RAMP1: variants seen among roughly 807,000 people sequenced by gnomAD.
RAMP1 encodes the protein receptor activity modifying protein 1, also known as receptor activity-modifying protein 1.
A neutral mutation model predicts 8.2 loss-of-function variants in RAMP1; 7 were observed. That is an observed-to-expected ratio of 0.85 (90% CI 0.49 to 1.60). RAMP1 has a LOEUF of 1.60. Ranked by LOEUF, RAMP1 falls within the 40% of genes most tolerant of loss-of-function variation. The pLI is 0.00. For synonymous variants in RAMP1, 92 were observed against 84.7 expected, an observed-to-expected ratio of 1.09 and a Z score of -0.47; for missense variants, 192 against 202.4, an observed-to-expected ratio of 0.95 and a Z score of 0.31.
intron 2 of RAMP1, among the ~76,000 whole-genome samples, chr2:237,894,160 A>G (rs1190968143): frequency 6.6e-6 from 1 of 151,664 alleles, no homozygotes; most frequent in Non-Finnish European, 1.5e-5. Flanking sequence ...TAGTAGAGAC[A>G]GGATTTCGCC....
intron 1 of RAMP1, among the ~76,000 whole-genome samples, chr2:237,863,407 G>A (rs1161435137): frequency 6.6e-6 from 1 of 152,170 alleles, no homozygotes; most frequent in African/African-American, 2.4e-5. Flanking sequence ...GGATGTCCTT[G>A]TCCCCAGTCC....
At chr2:237,875,621 C>T (rs1197842358) in intron 1 of RAMP1, among the ~76,000 whole-genome samples, 1 of 152,198 alleles carries the variant, frequency 6.6e-6, no homozygotes, top group Non-Finnish European at 1.5e-5. Flanking sequence ...ACATCACTCC[C>T]TGGCTTCTTG....
intron 2 of RAMP1, among the ~76,000 whole-genome samples, chr2:237,910,817 A>T (rs2062704762): frequency 6.6e-6 from 1 of 151,796 alleles, no homozygotes; most frequent in Non-Finnish European, 1.5e-5. Context: ...TCACAAAGAG[A>T]ATAATAGTCA....
At chr2:237,885,707 A>G (rs547953171) in intron 2 of RAMP1, among the ~76,000 whole-genome samples, 21 of 152,084 alleles carry the variant, frequency 1.4e-4, no homozygotes, top group Middle Eastern at 3.4e-3. Flanking sequence ...CCGCCACACC[A>G]TCGCTCCTGC....
At chr2:237,901,244 T>C (rs1203803110) in intron 2 of RAMP1, among the ~76,000 whole-genome samples, 2 of 152,262 alleles carry the variant, frequency 1.3e-5, no homozygotes, top group Admixed American at 1.3e-4. Context: ...TCACTTTGCC[T>C]TGGAGGTGGC....
intron 2 of RAMP1, among the ~76,000 whole-genome samples, chr2:237,891,300 G>A (rs761933028): frequency 6.6e-6 from 1 of 152,028 alleles, no homozygotes; most frequent in African/African-American, 2.4e-5. Flanking sequence ...ACAGGCGCCC[G>A]CCACCACGCC....
chr2:237,910,729 CAGT>C (rs2062703880), intron 2 of RAMP1, among the ~76,000 whole-genome samples: 1 of 151,378 alleles, frequency 6.6e-6, no homozygotes, highest in African/African-American at 2.4e-5. Flanking sequence ...CAGAGAATAA[CAGT>C]AACACACAGT....
At position 237,912,053 on chromosome 2, in the gene RAMP1, C is replaced by T. The variant is rs2062721925; in HGVS notation, c.*270C>T. The T allele has an allele frequency of 3.9e-6, 2 of 508,308 alleles. No individual in the cohort carries two copies. The highest frequency in any genetic ancestry group is 3.2e-5 in the South Asian group (1 of 31,042). 31.5% of individuals were successfully genotyped at this position (508,308 alleles called of 1,614,324 possible). On this transcript the variant is annotated 3_prime_UTR_variant, in exon 3 of 3. Transcript: ENST00000254661. ...AAGGGTCCCAGCCTAGACTGCTTAC[C>T]CCATAGCCACATTTGTGGATGAGTG...
intron 2 of RAMP1, among the ~76,000 whole-genome samples, chr2:237,895,604 C>A (rs1477226915): frequency 6.6e-6 from 1 of 152,138 alleles, no homozygotes; most frequent in Non-Finnish European, 1.5e-5. Context: ...CAGCATGGTG[C>A]AGGGCGCCCC....
At chr2:237,898,426 A>G (rs553728705) in intron 2 of RAMP1, among the ~76,000 whole-genome samples, 31 of 152,286 alleles carry the variant, frequency 2.0e-4, no homozygotes, top group African/African-American at 7.0e-4. Flanking sequence ...GTTTGATAGT[A>G]CAATATCCGT....
At chr2:237,887,252 C>G (rs535475918) in intron 2 of RAMP1, among the ~76,000 whole-genome samples, 1 of 152,298 alleles carries the variant, frequency 6.6e-6, no homozygotes, top group South Asian at 2.1e-4. Flanking sequence ...ATGGCATCTC[C>G]CAGGATCTAT....
intron 2 of RAMP1, among the ~76,000 whole-genome samples, chr2:237,903,269 G>T (rs1055726394): frequency 6.6e-6 from 1 of 152,192 alleles, no homozygotes; most frequent in Non-Finnish European, 1.5e-5. Flanking sequence ...CCGCTGTCCT[G>T]TTGTTTGCTG....
intron 2 of RAMP1, among the ~76,000 whole-genome samples, chr2:237,892,120 C>T (rs1238437749): frequency 6.6e-6 from 1 of 152,094 alleles, no homozygotes. Context: ...ATTTTTTCTT[C>T]TGGAGAGTGG....
At chr2:237,881,232 G>A (rs1039065372) in intron 2 of RAMP1, among the ~76,000 whole-genome samples, 25 of 152,184 alleles carry the variant, frequency 1.6e-4, no homozygotes, top group Admixed American at 2.6e-4. Flanking sequence ...CCTTGTCAGT[G>A]CAGAGGGAGC....
chr2:237,872,785 G>GGGA (rs2062260185), intron 1 of RAMP1, among the ~76,000 whole-genome samples: 1 of 143,942 alleles, frequency 6.9e-6, no homozygotes, highest in African/African-American at 2.4e-5. Context: ...CCAGCACTGT[G>GGGA]GGACGCTGAG....
chr2:237,898,756 A>G (rs1051647308), intron 2 of RAMP1, among the ~76,000 whole-genome samples: 1 of 152,198 alleles, frequency 6.6e-6, no homozygotes, highest in Non-Finnish European at 1.5e-5. Flanking sequence ...TCACATCCCC[A>G]GGGCCCGGGC....
chr2:237,900,840 TG>T (rs2062589989), intron 2 of RAMP1, among the ~76,000 whole-genome samples: 1 of 152,234 alleles, frequency 6.6e-6, no homozygotes, highest in Non-Finnish European at 1.5e-5. Flanking sequence ...ATTTATACTC[TG>T]GGGATTTGAT....
rs751738537 is a variant in RAMP1 at position 237,911,670 on chromosome 2, C to T, written c.334C>T (p.Arg112Trp). The part of the protein sequence containing the change: ...RSCPISGRAV[R>W]DPPGSILYPF... ...CTGCCCCATCTCAGGCAGGGCCGTG[C>T]GGGACCCGCCCGGCAGCATCCTCTA... is the stretch of plus-strand genomic sequence containing the variant. Residue 112 changes from arginine to tryptophan, a missense_variant, in exon 3 of 3, where the codon CGG becomes TGG. Transcript: ENST00000254661. 32 of 1,613,284 alleles carry T rather than the reference C, an allele frequency of 2.0e-5. No individual in the cohort carries two copies. The highest frequency in any genetic ancestry group is 4.4e-5 in the South Asian group (4 of 91,060).
intron 2 of RAMP1, among the ~76,000 whole-genome samples, chr2:237,879,428 G>C (rs1281712693): frequency 6.6e-6 from 1 of 151,814 alleles, no homozygotes; most frequent in Non-Finnish European, 1.5e-5. Context: ...CATCCTCGGA[G>C]CCGAGTGGCC....
Sources: allele counts gnomAD v4.1 joint callset (sites outside exome capture counted in the v4.1 genomes callset), GRCh38; gene constraint gnomAD v4.1.1; transcripts MANE v1.5; gene names NCBI Gene and HGNC (gene_info 2026-07-23, HGNC 2026-07-21).